Variants in PACRG observed in about 807,000 individuals in gnomAD.
PACRG encodes the protein parkin coregulated, also known as parkin coregulated gene protein.
PACRG carries 29 observed loss-of-function variants against 29.7 expected under a neutral mutation model. The observed-to-expected ratio is 0.98, with a 90% CI of 0.73 to 1.33. The LOEUF (loss-of-function observed/expected upper bound fraction) is 1.33, where lower values mean the gene tolerates loss of function less well. Among genes scored for constraint, PACRG ranks in the 40% most tolerant of loss-of-function variants. The pLI, the probability that PACRG is intolerant of heterozygous loss-of-function variation, is 0.00. For synonymous variants in PACRG, 116 were observed against 118.7 expected (o/e 0.98, Z 0.15); for missense variants, 279 against 316.2 (o/e 0.88, Z 0.89).
chr6:162,887,115 G>T (rs1214639125), intron 2 of PACRG, among the ~76,000 whole-genome samples: 1 of 152,142 alleles, frequency 6.6e-6, no homozygotes, highest in Non-Finnish European at 1.5e-5. Flanking sequence ...CACCATGTCT[G>T]TCTTGACCAT....
At chr6:163,290,908 C>T (rs1299349252) in intron 4 of PACRG, among the ~76,000 whole-genome samples, 1 of 152,132 alleles carries the variant, frequency 6.6e-6, no homozygotes, top group Non-Finnish European at 1.5e-5. Flanking sequence ...GGTGGGGCCT[C>T]CTCTCTGCCT....
At chr6:163,168,489 G>A (rs190897247) in intron 4 of PACRG, among the ~76,000 whole-genome samples, 191 of 152,212 alleles carry the variant, frequency 1.3e-3, no homozygotes, top group African/African-American at 4.3e-3. Flanking sequence ...GCGAGACTCC[G>A]TCTCAAAAAA....
chr6:163,177,870 T>C (rs1779461208), intron 4 of PACRG, among the ~76,000 whole-genome samples: 2 of 151,840 alleles, frequency 1.3e-5, no homozygotes, highest in Non-Finnish European at 2.9e-5. Context: ...CTTCCCTCCA[T>C]GCACCCCCAG....
intron 2 of PACRG, among the ~76,000 whole-genome samples, chr6:162,948,483 C>T (rs1039089714): frequency 2.6e-5 from 4 of 151,902 alleles, no homozygotes; most frequent in South Asian, 4.1e-4. Flanking sequence ...GTCTAGGAAA[C>T]GATTTTATGG....
At chr6:162,990,437 G>C (rs1803349353) in intron 2 of PACRG, among the ~76,000 whole-genome samples, 2 of 149,534 alleles carry the variant, frequency 1.3e-5, no homozygotes, top group Admixed American at 1.3e-4. Flanking sequence ...ATTCTAACTG[G>C]TGTGAGATGA....
intron 3 of PACRG, among the ~76,000 whole-genome samples, chr6:163,071,739 A>G (rs191117904): frequency 1.3e-5 from 2 of 151,946 alleles, no homozygotes; most frequent in East Asian, 3.9e-4. Context: ...TCAGAGATAA[A>G]AAAGGAAACA....
chr6:162,888,196 C>T (rs1311670669), intron 2 of PACRG, among the ~76,000 whole-genome samples: 1 of 151,924 alleles, frequency 6.6e-6, no homozygotes, highest in Non-Finnish European at 1.5e-5. Context: ...TGAGGGTGGG[C>T]TGCGGGGTGT....
chr6:163,212,016 A>C (rs921728663), intron 4 of PACRG, among the ~76,000 whole-genome samples: 2 of 152,178 alleles, frequency 1.3e-5, no homozygotes, highest in African/African-American at 2.4e-5. Flanking sequence ...TGGCCCTGCA[A>C]GTGGGATCAG....
chr6:163,298,038 T>C (rs1784846728), intron 4 of PACRG, among the ~76,000 whole-genome samples: 1 of 152,202 alleles, frequency 6.6e-6, no homozygotes, highest in Non-Finnish European at 1.5e-5. Context: ...ATAGTGACTC[T>C]TCATCACATC....
chr6:162,897,428 C>T (rs1467532819), intron 2 of PACRG, among the ~76,000 whole-genome samples: 2 of 152,192 alleles, frequency 1.3e-5, no homozygotes, highest in Admixed American at 1.3e-4. Context: ...CTGATGCGTT[C>T]TTTCCAGAAC....
At chr6:162,797,820 T>C (rs1417734603) in intron 1 of PACRG, among the ~76,000 whole-genome samples, 1 of 152,150 alleles carries the variant, frequency 6.6e-6, no homozygotes, top group Non-Finnish European at 1.5e-5. Context: ...TTCTTCCAGT[T>C]TCATTTTTAT....
intron 2 of PACRG, among the ~76,000 whole-genome samples, chr6:162,902,228 A>C (rs1159498585): frequency 6.6e-6 from 1 of 152,232 alleles, no homozygotes; most frequent in Non-Finnish European, 1.5e-5. Flanking sequence ...ATGCATGATC[A>C]GTGTTTTACA....
chr6:163,301,636 T>C (rs1785006109), intron 4 of PACRG, among the ~76,000 whole-genome samples: 1 of 152,188 alleles, frequency 6.6e-6, no homozygotes, highest in Admixed American at 6.5e-5. Context: ...CTCATTTTAT[T>C]AAACAGTAAA....
rs571358512 is a variant in PACRG, at chr6:163,064,469, A to G, written c.463+2148A>G. Among the ~76,000 whole-genome samples, 41 of 152,318 alleles carry G rather than the reference A, an allele frequency of 2.7e-4. 1 individual carries two copies. Among genetic ancestry groups the G allele is most frequent in the Admixed American group, 1.5e-3 (23 of 15,302 alleles). ...AGGGTTCCGGAAGCAATGACAATTT[A>G]TCTTGGTTGATGCCATTGCGTGGCT... On this transcript the variant is annotated intron_variant, in intron 3 of 4. Coordinates refer to ENST00000366888, the MANE Select transcript of PACRG (RefSeq NM_001080379.2).
chr6:162,765,314 G>A (rs1042245872), intron 1 of PACRG, among the ~76,000 whole-genome samples: 1 of 152,056 alleles, frequency 6.6e-6, no homozygotes, highest in Non-Finnish European at 1.5e-5. Flanking sequence ...TCAAGGGAGA[G>A]GGAAACCCTT....
chr6:163,130,648 G>A (rs1025263629), intron 4 of PACRG, among the ~76,000 whole-genome samples: 3 of 152,196 alleles, frequency 2.0e-5, no homozygotes, highest in Middle Eastern at 3.4e-3. Context: ...TGGGCACAAC[G>A]TGCCCTTCTA....
intron 2 of PACRG, among the ~76,000 whole-genome samples, chr6:163,003,982 A>G (rs1047949138): frequency 6.6e-6 from 1 of 152,176 alleles, no homozygotes; most frequent in African/African-American, 2.4e-5. Context: ...ATAGTTGGCT[A>G]ATCATTCCAA....
intron 4 of PACRG, among the ~76,000 whole-genome samples, chr6:163,149,148 G>A (rs146830006): frequency 2.0e-5 from 3 of 151,608 alleles, no homozygotes; most frequent in East Asian, 2.0e-4. Flanking sequence ...GCCACCTCCC[G>A]CAGACCGAAC....
intron 2 of PACRG, among the ~76,000 whole-genome samples, chr6:162,979,143 T>C (rs1317747381): frequency 2.6e-5 from 4 of 152,218 alleles, no homozygotes; most frequent in African/African-American, 4.8e-5. Flanking sequence ...ATTTCAGAAT[T>C]AAAGCTTTAA....
Sources: gnomAD v4.1 joint callset for allele counts (sites outside exome capture counted in the v4.1 genomes callset) on GRCh38, gnomAD v4.1.1 for gene constraint, MANE v1.5 for transcripts, NCBI Gene and HGNC (gene_info 2026-07-23, HGNC 2026-07-21) for gene names.